HVCN1: variants seen among roughly 807,000 people sequenced by gnomAD.
The protein encoded by HVCN1 is voltage-gated hydrogen channel 1.
A neutral mutation model predicts 29.2 loss-of-function variants in HVCN1; 14 were observed. The ratio of observed to expected loss-of-function variants is 0.48; its 90% CI spans 0.32 to 0.75. HVCN1 has a LOEUF of 0.75. Among genes scored for constraint, HVCN1 ranks in the 30% least tolerant of loss-of-function variants. The probability of loss-of-function intolerance (pLI) is 0.04; values close to 1 mark genes in which losing one functional copy is unlikely to be tolerated. For missense variants in HVCN1, 263 were observed against 341.8 expected (o/e 0.77, Z 1.82); for synonymous variants, 131 against 133.2 (o/e 0.98, Z 0.11).
chr12:110,661,597 C>T lies in HVCN1; in HGVS notation c.22-149G>A, dbSNP rs900619024. Reference sequence around the variant, plus strand: ...AGAGACCATGAGGTCACGGTGGTTTCTCGTGCTTTTATTTTTGGAATCCAG... The same window carrying T: ...AGAGACCATGAGGTCACGGTGGTTTTTCGTGCTTTTATTTTTGGAATCCAG... On this transcript the variant is annotated intron_variant, in intron 3 of 7. Coordinates refer to ENST00000242607, the MANE Select transcript of HVCN1 (RefSeq NM_032369.4). The surrounding 1 kb of genome is among the most constrained non-coding windows in gnomAD (Gnocchi z 6.2). 2 of 699,466 alleles carry T rather than the reference C, an allele frequency of 2.9e-6. No homozygotes were observed. Among genetic ancestry groups the T allele is most frequent in the African/African-American group, 3.6e-5 (2 of 55,696 alleles). The allele number at this position is 699,466 out of a possible 1,614,324, so 43.3% of individuals were successfully genotyped here.
At chr12:110,701,962 T>G (rs1377667764) in intron 2 of HVCN1, among the ~76,000 whole-genome samples, 2 of 150,190 alleles carry the variant, frequency 1.3e-5, no homozygotes, top group East Asian at 3.9e-4. Context: ...CTTTTTTTTT[T>G]GAGACGGAGT....
At chr12:110,671,793 G>A (rs775592724) in intron 3 of HVCN1, among the ~76,000 whole-genome samples, 2 of 152,130 alleles carry the variant, frequency 1.3e-5, no homozygotes, top group African/African-American at 2.4e-5. Context: ...AGAGCCCACC[G>A]GTCACATCAC....
chr12:110,654,018 C>T (rs948497651), intron 5 of HVCN1, among the ~76,000 whole-genome samples: 7 of 152,012 alleles, frequency 4.6e-5, no homozygotes, highest in Non-Finnish European at 7.4e-5. Context: ...AGCGTGTGTG[C>T]GTCCGTGGGG....
At chr12:110,698,813 G>T (rs2069531540) in intron 2 of HVCN1, among the ~76,000 whole-genome samples, 1 of 152,164 alleles carries the variant, frequency 6.6e-6, no homozygotes, top group Non-Finnish European at 1.5e-5. Context: ...TTGGGTCAGG[G>T]AGTCTGGTGC....
chr12:110,676,380 C>T lies in HVCN1; in HGVS notation c.21+6845G>A, dbSNP rs895366154. ...CAGAAAAGGGCCAGCCCAGCGGTCC[C>T]GAGGCTGCCTTCCTCAGACAGGCCT... On this transcript the variant is annotated intron_variant, in intron 3 of 7. Coordinates refer to ENST00000242607, the MANE Select transcript of HVCN1 (RefSeq NM_032369.4). The surrounding 1 kb of genome is among the most constrained non-coding windows in gnomAD (Gnocchi z 4.1). 2.0e-5 allele frequency among the ~76,000 whole-genome samples: 3 copies of T among 152,220 alleles called. No individual in the cohort carries two copies. The highest frequency in any genetic ancestry group is 2.1e-4 in the South Asian group (1 of 4,836).
chr12:110,703,136 G>A lies in HVCN1; in HGVS notation c.-228-703C>T, dbSNP rs971962203. On this transcript the variant is annotated intron_variant, in intron 1 of 4. Coordinates refer to the HVCN1 transcript ENST00000546713. Reference sequence around the variant, plus strand: ...AAGGCTTGGTGCAGTGGCTCCCAGCGCTTTGGGAGGATCATTTGAGCCCGG... The same window carrying A: ...AAGGCTTGGTGCAGTGGCTCCCAGCACTTTGGGAGGATCATTTGAGCCCGG... 4.0e-5 allele frequency among the ~76,000 whole-genome samples: 6 copies of A among 148,854 alleles called. No homozygotes were observed. In the South Asian group the frequency reaches 6.3e-4, roughly 16 times the overall value.
chr12:110,657,277 T>C (rs1389151464), intron 4 of HVCN1, among the ~76,000 whole-genome samples: 3 of 152,124 alleles, frequency 2.0e-5, no homozygotes, highest in Admixed American at 6.6e-5. Flanking sequence ...GCAGATCACC[T>C]GAGGTCAGGA....
At chr12:110,650,065 G>T in intron 7 of HVCN1, 103 bp downstream of exon 7, 1 of 723,408 alleles carries the variant, frequency 1.4e-6, no homozygotes, top group South Asian at 1.5e-5. Context: ...GGCTGGTCTC[G>T]AACTCCGGAC....
intron 3 of HVCN1, among the ~76,000 whole-genome samples, chr12:110,677,144 G>A (rs139098863): frequency 2.0e-5 from 3 of 152,168 alleles, no homozygotes; most frequent in African/African-American, 7.2e-5. Flanking sequence ...TGTTGAGGCT[G>A]CAGTAAGCTG....
chr12:110,669,011 G>A (rs1360156267), intron 3 of HVCN1, among the ~76,000 whole-genome samples: 3 of 150,746 alleles, frequency 2.0e-5, no homozygotes, highest in African/African-American at 7.3e-5. Context: ...CTCTTTGGGG[G>A]CCTTAGCACA....
chr12:110,667,743 T>TG (rs2068422360), intron 3 of HVCN1, among the ~76,000 whole-genome samples: 1 of 152,226 alleles, frequency 6.6e-6, no homozygotes, highest in African/African-American at 2.4e-5. Flanking sequence ...TACTTTCCTT[T>TG]GGAAACACCT....
At chr12:110,663,752 C>G (rs1009534890) in intron 3 of HVCN1, among the ~76,000 whole-genome samples, 3 of 151,922 alleles carry the variant, frequency 2.0e-5, no homozygotes, top group Non-Finnish European at 4.4e-5. Flanking sequence ...CCATGTGTAC[C>G]CACTCGGCAG....
chr12:110,653,112 AAG>A (rs910568390), intron 5 of HVCN1, among the ~76,000 whole-genome samples: 15 of 152,188 alleles, frequency 9.9e-5, no homozygotes, highest in African/African-American at 3.6e-4. Flanking sequence ...GGGCTCTTCC[AAG>A]AGTCATTGTC....
chr12:110,655,866 G>C (rs2067973750), intron 4 of HVCN1, among the ~76,000 whole-genome samples: 1 of 152,028 alleles, frequency 6.6e-6, no homozygotes, highest in Non-Finnish European at 1.5e-5. Context: ...CACCATGCCT[G>C]GCTAATTTTT....
chr12:110,689,503 A>G (rs1269055078), upstream of HVCN1: 1 of 151,462 alleles, frequency 6.6e-6, no homozygotes, highest in Non-Finnish European at 1.5e-5. The surrounding 1 kb of genome is among the most constrained non-coding windows in gnomAD (Gnocchi z 5.7). Context: ...CACCCCGCCA[A>G]CCCCTTTCGG....
intron 2 of HVCN1, among the ~76,000 whole-genome samples, chr12:110,696,529 A>C (rs1411953379): frequency 1.3e-5 from 2 of 151,984 alleles, no homozygotes; most frequent in Non-Finnish European, 2.9e-5. Context: ...AGCCTGGGCA[A>C]CATAGCAAGA....
At position 110,651,242 on chromosome 12, in the gene HVCN1, C is replaced by T; in HGVS notation, c.618G>A (p.Leu206=). 6.2e-7 allele frequency: 1 copy of T among 1,613,918 alleles called. No homozygotes were observed. Among genetic ancestry groups the T allele is most frequent in the Non-Finnish European group, 8.5e-7 (1 of 1,179,848 alleles). Reference sequence around the variant, plus strand: ...CATTGATGATCCGGGCCACCCGCCACAGCCGGAGCAGAATCAGCAGGCCCA... The same window carrying T: ...CATTGATGATCCGGGCCACCCGCCATAGCCGGAGCAGAATCAGCAGGCCCA... The part of the protein sequence containing the change: ...EALGLLILLR[L]WRVARIINGI... Residue 206 remains leucine (L), a synonymous_variant, in exon 6 of 8, where the codon CTG becomes CTA. Coordinates refer to ENST00000242607, the MANE Select transcript of HVCN1 (RefSeq NM_032369.4).
intron 3 of HVCN1, among the ~76,000 whole-genome samples, chr12:110,680,954 GCAGA>G (rs779871243): frequency 2.0e-5 from 3 of 152,050 alleles, no homozygotes; most frequent in Non-Finnish European, 2.9e-5. Context: ...AAAAAAGGCA[GCAGA>G]CAATTTTCTA....
chr12:110,702,945 T>A (rs572770259), intron 1 of HVCN1, among the ~76,000 whole-genome samples: 1 of 152,174 alleles, frequency 6.6e-6, no homozygotes, highest in South Asian at 2.1e-4. Context: ...TGAGTCACCA[T>A]GCCCAGCAAT....
Sources: gnomAD v4.1 joint callset for allele counts (sites outside exome capture counted in the v4.1 genomes callset) on GRCh38, gnomAD v4.1.1 for gene constraint, Gnocchi (gnomAD v3.1) non-coding constraint, MANE v1.5 for transcripts, NCBI Gene and HGNC (gene_info 2026-07-23, HGNC 2026-07-21) for gene names.